The following FHOD3 variants were observed in gnomAD, a reference collection of about 807,000 sequenced individuals.
FHOD3 encodes FH1/FH2 domain-containing protein 3.
Under a neutral mutation model 173.0 loss-of-function variants are expected in FHOD3, and 90 were observed. The ratio of observed to expected loss-of-function variants is 0.52; its 90% CI spans 0.44 to 0.62. The LOEUF (loss-of-function observed/expected upper bound fraction) is 0.62, where lower values mean the gene tolerates loss of function less well. Ranked by LOEUF, FHOD3 falls within the 20% of genes least tolerant of loss-of-function variation. The pLI is 0.00. For missense variants in FHOD3, 1,945 were observed against 2,034.7 expected, an observed-to-expected ratio of 0.96 and a Z score of 0.85; for synonymous variants, 828 against 823.0, an observed-to-expected ratio of 1.01 and a Z score of -0.10.
At chr18:36,567,821 C>T (rs2058318114) in intron 5 of FHOD3, among the ~76,000 whole-genome samples, 1 of 152,088 alleles carries the variant, frequency 6.6e-6, no homozygotes, top group Non-Finnish European at 1.5e-5. Context: ...TATCTTGCCC[C>T]CTCTCCCCCA....
intron 16 of FHOD3, among the ~76,000 whole-genome samples, chr18:36,690,881 T>G (rs140826928): frequency 1.5e-4 from 23 of 152,292 alleles, no homozygotes; most frequent in Middle Eastern, 3.4e-3. Flanking sequence ...AAACTGAACC[T>G]CTTTATCCAT....
At chr18:36,398,245 G>A (rs925217195) in intron 3 of FHOD3, among the ~76,000 whole-genome samples, 4 of 152,176 alleles carry the variant, frequency 2.6e-5, no homozygotes, top group African/African-American at 4.8e-5. Context: ...ACAATTCAGT[G>A]CTATGAATTG....
intron 5 of FHOD3, among the ~76,000 whole-genome samples, chr18:36,563,068 A>C (rs74454181): frequency 0.02 from 3,075 of 152,304 alleles, 96 homozygotes; most frequent in African/African-American, 0.071. Flanking sequence ...GCTTCTAGAC[A>C]CAGAGTCTTC....
At chr18:36,491,044 A>G (rs1405371497) in intron 3 of FHOD3, among the ~76,000 whole-genome samples, 1 of 152,168 alleles carries the variant, frequency 6.6e-6, no homozygotes, top group African/African-American at 2.4e-5. Context: ...CTGGAGGGAA[A>G]CCACTGTGGA....
chr18:36,710,273 C>T (rs1276248395), intron 18 of FHOD3: 3 of 152,206 alleles, frequency 2.0e-5, no homozygotes, highest in Non-Finnish European at 4.4e-5. Context: ...ATGCCTCCTT[C>T]CTCAACAAAC....
chr18:36,432,051 A>T (rs1027507788), intron 3 of FHOD3, among the ~76,000 whole-genome samples: 2 of 152,186 alleles, frequency 1.3e-5, no homozygotes, highest in Admixed American at 1.3e-4. Context: ...TCTGCTTTTC[A>T]GTAATCATAG....
At chr18:36,596,612 G>C (rs2030475030) in intron 7 of FHOD3, among the ~76,000 whole-genome samples, 1 of 152,128 alleles carries the variant, frequency 6.6e-6, no homozygotes, top group South Asian at 2.1e-4. Flanking sequence ...ACCTTTAACT[G>C]GGGCTCCTAT....
At chr18:36,676,633 C>A in intron 14 of FHOD3, among the ~76,000 whole-genome samples, 1 of 152,098 alleles carries the variant, frequency 6.6e-6, no homozygotes, top group Non-Finnish European at 1.5e-5. Flanking sequence ...TTAATTTCGA[C>A]TTCTAGAAGC....
chr18:36,327,538 T>C (rs1393781273), intron 1 of FHOD3, among the ~76,000 whole-genome samples: 2 of 152,238 alleles, frequency 1.3e-5, no homozygotes, highest in African/African-American at 4.8e-5. Flanking sequence ...CTCACTTCAC[T>C]GATAAAGAAG....
At chr18:36,571,775 G>A (rs1170096689) in intron 5 of FHOD3, among the ~76,000 whole-genome samples, 2 of 152,114 alleles carry the variant, frequency 1.3e-5, no homozygotes, top group Non-Finnish European at 2.9e-5. Context: ...TTAACAAATG[G>A]CATTAGTTGG....
At chr18:36,740,135 T>C (rs1050533148) in intron 20 of FHOD3, among the ~76,000 whole-genome samples, 3 of 152,182 alleles carry the variant, frequency 2.0e-5, no homozygotes, top group African/African-American at 7.2e-5. Flanking sequence ...AGTAAAAAGG[T>C]ATACTTTTTT....
At chr18:36,717,255 A>G (rs941952210) in intron 18 of FHOD3, among the ~76,000 whole-genome samples, 1 of 152,134 alleles carries the variant, frequency 6.6e-6, no homozygotes, top group African/African-American at 2.4e-5. Flanking sequence ...AGGGCTATGG[A>G]AAGTCACCTT....
chr18:36,553,126 G>A (rs905303184), intron 5 of FHOD3, among the ~76,000 whole-genome samples: 2 of 152,152 alleles, frequency 1.3e-5, no homozygotes, highest in African/African-American at 4.8e-5. Flanking sequence ...TACATTTATT[G>A]ATTTGCATAT....
At chr18:36,385,185 C>T (rs1185997744) in intron 3 of FHOD3, among the ~76,000 whole-genome samples, 3 of 152,060 alleles carry the variant, frequency 2.0e-5, no homozygotes, top group Admixed American at 2.0e-4. Flanking sequence ...CAAGTAACGC[C>T]CAATTAATGT....
At chr18:36,350,882 G>A (rs1360684210) in intron 1 of FHOD3, among the ~76,000 whole-genome samples, 1 of 152,174 alleles carries the variant, frequency 6.6e-6, no homozygotes, top group African/African-American at 2.4e-5. Flanking sequence ...TTCATTTAGT[G>A]TACCTATTAA....
intron 3 of FHOD3, among the ~76,000 whole-genome samples, chr18:36,401,565 T>C (rs901833555): frequency 1.3e-5 from 2 of 152,188 alleles, no homozygotes; most frequent in African/African-American, 2.4e-5. Context: ...ATTCCCAGGA[T>C]CTTGCTCTGT....
chr18:36,646,475 A>G (rs1035877285), intron 10 of FHOD3, among the ~76,000 whole-genome samples: 4 of 152,174 alleles, frequency 2.6e-5, no homozygotes, highest in Non-Finnish European at 5.9e-5. Context: ...ATTCAACATA[A>G]TCCCTATCAA....
Position 36,717,987 on chromosome 18 carries a change from C to A in FHOD3, c.2689C>A (p.Gln897Lys), listed in dbSNP as rs188731619. 1.2e-6 allele frequency: 2 copies of A among 1,613,244 alleles called. No individual in the cohort carries two copies. Among genetic ancestry groups the A allele is most frequent in the Non-Finnish European group, 1.7e-6 (2 of 1,179,602 alleles). ...KGDGEAGRTQQEAEAVASLAT... is the reference protein window; with the variant it reads ...KGDGEAGRTQKEAEAVASLAT... Reference sequence around the variant, plus strand: ...GGATGGGGAGGCTGGGAGGACCCAGCAGGAGGCAGAGGCGGTAGCCAGCCT... The same window carrying A: ...GGATGGGGAGGCTGGGAGGACCCAGAAGGAGGCAGAGGCGGTAGCCAGCCT... The change falls in exon 19 of 29, where the codon CAG becomes AAG. Residue 897 changes from glutamine to lysine, a missense_variant. Gln to Lys is a moderately conservative substitution (Grantham distance 53). Around this residue, in one of 5 missense-constraint regions of FHOD3, gnomAD observed 1,099 missense variants for 1,051.2 expected, o/e 1.05. Transcript: ENST00000590592.
At position 36,423,513 on chromosome 18, in the gene FHOD3, C is replaced by A. The variant is rs569716077; in HGVS notation, c.337+50769C>A. 2.6e-5 allele frequency among the ~76,000 whole-genome samples: 4 copies of A among 152,222 alleles called. No homozygotes were observed. The South Asian group carries it at 8.3e-4, about 32-fold the overall frequency. The stretch of plus-strand genomic sequence containing the variant: ...GAGAATAGAAAGAAGGTGGATGCTG[C>A]GGAGGGGGTCTGCATTGGAAAACCT... On this transcript the variant is annotated intron_variant, in intron 3 of 28. Coordinates refer to ENST00000590592, the MANE Select transcript of FHOD3 (RefSeq NM_001281740.3).
Sources: allele counts gnomAD v4.1 joint callset (sites outside exome capture counted in the v4.1 genomes callset), GRCh38; gene constraint gnomAD v4.1.1; regional missense constraint gnomAD v4.1.1; transcripts MANE v1.5; gene names NCBI Gene and HGNC (gene_info 2026-07-23, HGNC 2026-07-21).